LRMDA: variants seen among roughly 807,000 people sequenced by gnomAD.
The protein encoded by LRMDA is leucine rich melanocyte differentiation associated, also known as leucine-rich melanocyte differentiation-associated protein.
Under a neutral mutation model 29.8 loss-of-function variants are expected in LRMDA, and 18 were observed. That is an observed-to-expected ratio of 0.60 (90% CI 0.42 to 0.90). LRMDA has a LOEUF of 0.90. LRMDA is among the 40% of genes least tolerant of loss of function. LRMDA has a pLI of 0.00. For missense variants in LRMDA, 273 were observed against 273.9 expected (o/e 1.00, Z 0.02); for synonymous variants, 125 against 109.4 (o/e 1.14, Z -0.89).
intron 5 of LRMDA, among the ~76,000 whole-genome samples, chr10:76,065,714 T>A (rs1245833767): frequency 6.6e-6 from 1 of 152,242 alleles, no homozygotes; most frequent in Admixed American, 6.5e-5. Context: ...ATTGCATTGT[T>A]TGTCTAAAAC....
intron 2 of LRMDA, among the ~76,000 whole-genome samples, chr10:75,808,552 C>G (rs189194773): frequency 6.6e-6 from 1 of 152,280 alleles, no homozygotes; most frequent in Non-Finnish European, 1.5e-5. Context: ...ACTCCGTTGC[C>G]AGGCTGGAGT....
Position 76,088,803 on chromosome 10 carries a change from CCTT to C in LRMDA, c.516+30028_516+30030del, listed in dbSNP as rs1016394136. On this transcript the variant is annotated intron_variant, in intron 5 of 6. Coordinates refer to ENST00000611255, the MANE Select transcript of LRMDA (RefSeq NM_001305581.2). The stretch of plus-strand genomic sequence containing the variant: ...TTTCTTCATTCAAGCTTCAAGATTT[CCTT>C]CTTCTTCCCATATTCTAGAATGAAC... Among the ~76,000 whole-genome samples, 26 of 152,200 alleles carry C rather than the reference CCTT, an allele frequency of 1.7e-4. 1 individual carries two copies. The highest frequency in any genetic ancestry group is 2.9e-4 in the Non-Finnish European group (20 of 68,006).
At chr10:75,615,689 G>T (rs933454034) in intron 2 of LRMDA, among the ~76,000 whole-genome samples, 1 of 152,116 alleles carries the variant, frequency 6.6e-6, no homozygotes, top group Admixed American at 6.6e-5. Context: ...AATAGTCATG[G>T]TATTGGAAAA....
rs750864656 is a variant in LRMDA, at chr10:76,350,440, A to ATT, written c.601+25968_601+25969dup. 2.6e-4 allele frequency among the ~76,000 whole-genome samples: 37 copies of ATT among 142,906 alleles called. 1 individual carries two copies. The South Asian group carries it at 3.4e-3, about 13-fold the overall frequency. 93.8% of individuals were successfully genotyped at this position (142,906 alleles called of 152,430 possible). On this transcript the variant is annotated intron_variant, in intron 6 of 6. Coordinates refer to ENST00000611255, the MANE Select transcript of LRMDA (RefSeq NM_001305581.2). ...AAAGAAACGTTCATTATGGGGACCG[A>ATT]TTTTTTTTTTTTTTGGTCTGGCTCT...
chr10:75,896,626 T>C (rs1236774302), intron 2 of LRMDA, among the ~76,000 whole-genome samples: 1 of 152,172 alleles, frequency 6.6e-6, no homozygotes, highest in African/African-American at 2.4e-5. Flanking sequence ...GCAAAGTGAC[T>C]ATGAAGATTT....
chr10:75,990,800 G>A (rs190121021), intron 2 of LRMDA, among the ~76,000 whole-genome samples: 3 of 152,320 alleles, frequency 2.0e-5, no homozygotes, highest in East Asian at 1.9e-4. Context: ...GCTGGGACTC[G>A]AATGAGGGAT....
rs1405046557 is a variant in LRMDA, at chr10:76,429,015, G to T, written c.601+104530G>T. ...TGCTGTTAGATGAGGAAATAACCCTGCCAATTATACACACACACACACACA... is the reference window on the plus strand; with the variant it reads ...TGCTGTTAGATGAGGAAATAACCCTTCCAATTATACACACACACACACACA... On this transcript the variant is annotated intron_variant, in intron 6 of 6. Coordinates refer to ENST00000611255, the MANE Select transcript of LRMDA (RefSeq NM_001305581.2). Among the ~76,000 whole-genome samples, 4 of 87,258 alleles carry T rather than the reference G, an allele frequency of 4.6e-5. No homozygotes were observed. In the East Asian group the frequency reaches 1.3e-3, roughly 29 times the overall value. 57.2% of individuals were successfully genotyped at this position (87,258 alleles called of 152,430 possible). A position where few individuals can be genotyped will look rare whatever the true frequency, so the allele number is the denominator to read the frequency against.
At chr10:75,900,796 CTTT>C (rs1845657745) in intron 2 of LRMDA, among the ~76,000 whole-genome samples, 1 of 152,178 alleles carries the variant, frequency 6.6e-6, no homozygotes, top group South Asian at 2.1e-4. Context: ...CTTTCTTTTT[CTTT>C]TTAAACAAAT....
At chr10:76,100,538 A>G (rs1031207318) in intron 5 of LRMDA, among the ~76,000 whole-genome samples, 1 of 127,538 alleles carries the variant, frequency 7.8e-6, no homozygotes, top group African/African-American at 2.9e-5. Context: ...ACATCAATCA[A>G]TGGCTTTTGC....
At chr10:75,940,541 C>T (rs545068912) in intron 2 of LRMDA, among the ~76,000 whole-genome samples, 19 of 152,292 alleles carry the variant, frequency 1.2e-4, no homozygotes, top group Admixed American at 4.6e-4. Flanking sequence ...TCCTGTGTAA[C>T]CTCCTATCTC....
intron 5 of LRMDA, among the ~76,000 whole-genome samples, chr10:76,289,490 A>C (rs932628672): frequency 1.1e-4 from 16 of 152,126 alleles, no homozygotes; most frequent in South Asian, 4.1e-4. Context: ...GAGCATTTCC[A>C]TTACCCTATG....
intron 2 of LRMDA, among the ~76,000 whole-genome samples, chr10:75,955,859 A>C (rs1846655262): frequency 6.6e-6 from 1 of 152,160 alleles, no homozygotes; most frequent in Non-Finnish European, 1.5e-5. Context: ...CTTCCATGGC[A>C]TTTCAGAGAG....
At chr10:75,953,279 A>G (rs895584688) in intron 2 of LRMDA, among the ~76,000 whole-genome samples, 4 of 152,118 alleles carry the variant, frequency 2.6e-5, no homozygotes, top group African/African-American at 9.6e-5. Flanking sequence ...CGGTCTCACT[A>G]TATAGCCCAG....
At chr10:75,891,962 T>C (rs780088037) in intron 2 of LRMDA, among the ~76,000 whole-genome samples, 2 of 152,202 alleles carry the variant, frequency 1.3e-5, no homozygotes, top group Non-Finnish European at 2.9e-5. Context: ...GGGTCAGGAC[T>C]GGAGCTAGAA....
chr10:76,042,697 A>G (rs923792167), intron 3 of LRMDA, among the ~76,000 whole-genome samples: 9 of 152,162 alleles, frequency 5.9e-5, no homozygotes, highest in Non-Finnish European at 1.0e-4. Context: ...TTTTCCTGCA[A>G]ATTTCTCATA....
intron 5 of LRMDA, among the ~76,000 whole-genome samples, chr10:76,182,250 G>A (rs1226279369): frequency 6.6e-6 from 1 of 152,100 alleles, no homozygotes; most frequent in African/African-American, 2.4e-5. Context: ...GTGAGGGAAA[G>A]TGCCACACTT....
chr10:76,004,365 G>A (rs966906601), intron 2 of LRMDA, among the ~76,000 whole-genome samples: 1 of 152,242 alleles, frequency 6.6e-6, no homozygotes, highest in African/African-American at 2.4e-5. Flanking sequence ...TATGTAGAGT[G>A]AGAGCAGACT....
At chr10:76,040,478 G>T (rs999200188) in intron 3 of LRMDA, among the ~76,000 whole-genome samples, 1 of 151,976 alleles carries the variant, frequency 6.6e-6, no homozygotes, top group African/African-American at 2.4e-5. Flanking sequence ...CTCTTGGTTC[G>T]TAGGGATCTC....
chr10:76,432,758 T>C (rs534530359), intron 6 of LRMDA, among the ~76,000 whole-genome samples: 149 of 152,332 alleles, frequency 9.8e-4, no homozygotes, highest in Non-Finnish European at 1.6e-3. Context: ...CAGTTAGTCA[T>C]GGACCCTAGC....
Sources: allele counts gnomAD v4.1 joint callset (sites outside exome capture counted in the v4.1 genomes callset), GRCh38; gene constraint gnomAD v4.1.1; transcripts MANE v1.5; gene names NCBI Gene and HGNC (gene_info 2026-07-23, HGNC 2026-07-21).